CFAP74: variants seen among roughly 807,000 people sequenced by gnomAD.
The protein encoded by CFAP74 is cilia and flagella associated protein 74.
CFAP74 carries 124 observed loss-of-function variants against 188.9 expected under a neutral mutation model. That is an observed-to-expected ratio of 0.66 (90% confidence interval 0.57 to 0.76). CFAP74 has a LOEUF of 0.76. CFAP74 is among the 30% of genes least tolerant of loss of function. The probability of loss-of-function intolerance (pLI) is 0.00; values close to 1 mark genes in which losing one functional copy is unlikely to be tolerated. For missense variants in CFAP74, 2,198 were observed against 2,165.2 expected, an observed-to-expected ratio of 1.02 and a Z score of -0.30; for synonymous variants, 956 against 916.7, an observed-to-expected ratio of 1.04 and a Z score of -0.77.
intron 16 of CFAP74, among the ~76,000 whole-genome samples, chr1:1,958,751 G>A (rs899020297): frequency 6.6e-6 from 1 of 152,184 alleles, no homozygotes; most frequent in African/African-American, 2.4e-5. Context: ...TTGTTCTGCT[G>A]TTCTGTTTTC....
At chr1:1,938,558 TCACA>T (rs370110560) in intron 25 of CFAP74, among the ~76,000 whole-genome samples, 177 of 151,098 alleles carry the variant, frequency 1.2e-3, no homozygotes, top group African/African-American at 3.9e-3. Flanking sequence ...GCACACACGT[TCACA>T]CACACACACA....
intron 16 of CFAP74, 135 bp from the exon 17 acceptor site, chr1:1,956,919 C>G: frequency 3.5e-6 from 3 of 864,514 alleles, no homozygotes; most frequent in Non-Finnish European, 5.3e-6. Context: ...AGCAGGTACA[C>G]GATTCAACCC....
At chr1:1,997,040 C>T (rs1657953713) in intron 1 of CFAP74, among the ~76,000 whole-genome samples, 1 of 152,000 alleles carries the variant, frequency 6.6e-6, no homozygotes, top group Admixed American at 6.6e-5. Context: ...TAAAAACATT[C>T]CCTTAAGACC....
At chr1:1,932,082 A>AC (rs1652441141) in intron 25 of CFAP74, among the ~76,000 whole-genome samples, 1 of 64,952 alleles carries the variant, frequency 1.5e-5, no homozygotes, top group South Asian at 5.3e-4. Flanking sequence ...AAAAAAAACA[A>AC]AAAACAAAAA....
intron 26 of CFAP74, 130 bp downstream of exon 26, chr1:1,929,930 G>A: frequency 1.8e-6 from 2 of 1,100,586 alleles, no homozygotes; most frequent in Non-Finnish European, 1.3e-6. Flanking sequence ...TGAGGGTCAG[G>A]TTCACTCCCG....
At position 1,923,744 on chromosome 1, in the gene CFAP74, C is replaced by T; in HGVS notation, c.4389+31G>A. ...GGCCCTGCGTGGGGCCAGGGCCGGG[C>T]CGGGCTGAGCTTGCAGAGCCAGAGC... is the stretch of plus-strand genomic sequence containing the variant. On this transcript the variant is annotated intron_variant, in intron 35 of 38. Coordinates refer to ENST00000682832, the MANE Select transcript of CFAP74 (RefSeq NM_001304360.2). The surrounding 1 kb of genome is among the most constrained non-coding windows in gnomAD (Gnocchi z 6.3). The T allele has an allele frequency of 1.2e-6, 2 of 1,612,876 alleles. No homozygotes were observed. Among genetic ancestry groups the T allele is most frequent in the Non-Finnish European group, 1.7e-6 (2 of 1,179,788 alleles).
chr1:1,970,998 A>G (rs539397749), intron 9 of CFAP74, among the ~76,000 whole-genome samples, 182 bp from the exon 10 acceptor site: 58 of 143,192 alleles, frequency 4.1e-4, no homozygotes, highest in Non-Finnish European at 6.8e-4. Flanking sequence ...GCACACACAC[A>G]CGCACACCTG....
chr1:1,926,414 G>C (rs748291205), intron 31 of CFAP74, 43 bp downstream of exon 31: 24 of 1,550,058 alleles, frequency 1.5e-5, no homozygotes, highest in Non-Finnish European at 1.9e-5. Flanking sequence ...CCCGGTCCCC[G>C]CTCCCACCCC....
At chr1:1,971,569 G>C (rs536919321) in intron 9 of CFAP74, among the ~76,000 whole-genome samples, 1 of 152,360 alleles carries the variant, frequency 6.6e-6, no homozygotes, top group South Asian at 2.1e-4. Context: ...GTCCCTGCAC[G>C]TCACCTGCCC....
In CFAP74 at chr1:1,924,062, G is replaced by T. The variant is rs1407682638; in HGVS notation, c.4235-133C>A. 15 of 782,220 alleles carry T rather than the reference G, an allele frequency of 1.9e-5. No homozygotes were observed. The South Asian group carries it at 2.9e-4, about 15-fold the overall frequency. The allele number at this position is 782,220 out of a possible 1,614,324, so 48.5% of individuals were successfully genotyped here. A position where few individuals can be genotyped will look rare whatever the true frequency, so the allele number is the denominator to read the frequency against. On this transcript the variant is annotated intron_variant, in intron 34 of 38. Transcript: ENST00000682832. ...CCCTGTCCTGCCCGGTCCCCCCAAT[G>T]GCCTTGCGCCCCCCACTCCTCCCAT...
rs571469142 is a variant in CFAP74, at chr1:1,923,466, C to A, written c.4423G>T (p.Ala1475Ser). 2.5e-6 allele frequency: 4 copies of A among 1,611,662 alleles called. No individual in the cohort carries two copies. Among genetic ancestry groups the A allele is most frequent in the East Asian group, 2.2e-5 (1 of 44,852 alleles). ...TCCACGAACATCATGTGCTGACAGG[C>A]GGCACCCTTCAGCAGGATCTGGTGG... ...ISHQILLKGA[A>S]CQHMMFVEGG... is the part of the protein sequence containing the mutation. The change falls in exon 36 of 39, where the codon GCC (alanine) becomes TCC (serine). Residue 1475 changes from alanine to serine, a missense_variant. Physicochemically the swap from Ala to Ser is moderately conservative, Grantham distance 99 (BLOSUM62 1). Transcript: ENST00000682832. The surrounding 1 kb of genome is among the most constrained non-coding windows in gnomAD (Gnocchi z 6.3).
At chr1:1,976,473 C>T (rs7528894) in intron 6 of CFAP74, among the ~76,000 whole-genome samples, 46,071 of 151,960 alleles carry the variant, frequency 0.3, 7,255 homozygotes, top group Non-Finnish European at 0.34. Flanking sequence ...TCCCGAGGCG[C>T]CCCGAGAAGC....
At position 1,987,188 on chromosome 1, in the gene CFAP74, C is replaced by T. The variant is rs147260673; in HGVS notation, c.297-153G>A. 9.7e-3 allele frequency among the ~76,000 whole-genome samples: 1,477 copies of T among 152,370 alleles called. 24 individuals are homozygous for T. Among genetic ancestry groups the T allele is most frequent in the African/African-American group, 0.034 (1,414 of 41,584 alleles). On this transcript the variant is annotated intron_variant, in intron 4 of 38. Transcript: ENST00000682832. Reference sequence around the variant, plus strand: ...GGGTCTCTCTAACACCTTCAAGCCACACAAGCAGGGTCTTGTCGTCCATTT... The same window carrying T: ...GGGTCTCTCTAACACCTTCAAGCCATACAAGCAGGGTCTTGTCGTCCATTT...
intron 25 of CFAP74, among the ~76,000 whole-genome samples, chr1:1,935,403 T>C (rs1273396579): frequency 4.2e-5 from 4 of 94,322 alleles, no homozygotes; most frequent in Non-Finnish European, 9.1e-5. Context: ...CACACGTCTG[T>C]ATGTGTGGGT....
intron 12 of CFAP74, among the ~76,000 whole-genome samples, chr1:1,966,135 C>G (rs921914817): frequency 1.3e-5 from 2 of 152,220 alleles, no homozygotes; most frequent in African/African-American, 4.8e-5. Context: ...TCAGGGGGAG[C>G]TTGGGGTCGT....
At chr1:1,925,310 T>G (rs1326244873) in intron 33 of CFAP74, among the ~76,000 whole-genome samples, 1 of 149,480 alleles carries the variant, frequency 6.7e-6, no homozygotes. Flanking sequence ...GGGCACACGC[T>G]GGTGTGAAGG....
chr1:1,922,945 G>A, intron 37 of CFAP74, 40 bp downstream of exon 37: 1 of 1,535,944 alleles, frequency 6.5e-7, no homozygotes, highest in Non-Finnish European at 8.7e-7. Flanking sequence ...GGGAGGCCGA[G>A]GGGGCTGCCT....
Position 1,968,755 on chromosome 1 carries a change from C to G in CFAP74, c.1125G>C (p.Lys375Asn). The change falls in exon 11 of 39, where the codon AAG becomes AAC. Residue 375 changes from lysine (K) to asparagine (N), a missense_variant. Transcript: ENST00000682832. This position sits in a 1 kb window ranked among gnomAD's most constrained non-coding sequence, Gnocchi z 4.3. ...RILKEEAEEE[K>N]RKKQHPPTSA... ...TGGTGGGGGGATGCTGTTTCTTCCT[C>G]TTTTCCTCCTCAGCCTCCTCTTTCA... 1.2e-6 allele frequency: 2 copies of G among 1,614,144 alleles called. No individual in the cohort carries two copies. Among genetic ancestry groups the G allele is most frequent in the African/African-American group, 1.3e-5 (1 of 75,042 alleles).
intron 18 of CFAP74, among the ~76,000 whole-genome samples, chr1:1,948,920 CCTTCCTT>C: frequency 1.5e-5 from 2 of 137,800 alleles, no homozygotes; most frequent in Non-Finnish European, 3.2e-5. Flanking sequence ...CCTTCCCTTT[CCTTCCTT>C]CCTCTTTCCT....
Sources: gnomAD v4.1 joint callset for allele counts (sites outside exome capture counted in the v4.1 genomes callset) on GRCh38, gnomAD v4.1.1 for gene constraint, Gnocchi (gnomAD v3.1) non-coding constraint, MANE v1.5 for transcripts, NCBI Gene and HGNC (gene_info 2026-07-23, HGNC 2026-07-21) for gene names.